COL5A2: variants seen among roughly 807,000 people sequenced by gnomAD.
COL5A2 encodes the protein collagen type V alpha 2 chain.
Under a neutral mutation model 208.2 loss-of-function variants are expected in COL5A2, and 23 were observed. That is an observed-to-expected ratio of 0.11 (90% CI 0.08 to 0.16). COL5A2 has a LOEUF of 0.16. Ranked by LOEUF, COL5A2 falls within the 10% of genes least tolerant of loss-of-function variation. COL5A2 has a pLI of 1.00. For synonymous variants in COL5A2, 625 were observed against 628.5 expected, an observed-to-expected ratio of 0.99 and a Z score of 0.08; for missense variants, 1,590 against 1,956.4, an observed-to-expected ratio of 0.81 and a Z score of 3.53.
At chr2:189,421,379 A>T in the COL5A2 span, among the ~76,000 whole-genome samples, 2 of 152,170 alleles carry the variant, frequency 1.3e-5, no homozygotes, top group African/African-American at 2.4e-5. Flanking sequence ...TCAAGTGCTA[A>T]GGAAAGGTGG....
the COL5A2 span, among the ~76,000 whole-genome samples, chr2:189,403,370 C>T: frequency 6.6e-6 from 1 of 152,208 alleles, no homozygotes; most frequent in Non-Finnish European, 1.5e-5. Context: ...GATACTTTGA[C>T]TTCCTCTCTT....
At chr2:189,231,456 T>C in the COL5A2 span, among the ~76,000 whole-genome samples, 35 of 151,852 alleles carry the variant, frequency 2.3e-4, no homozygotes, top group African/African-American at 8.2e-4. Context: ...GGGACTCTCA[T>C]TCACACCCGG....
chr2:189,046,958 T>C (rs1038097019), intron 45 of COL5A2, among the ~76,000 whole-genome samples: 2 of 151,850 alleles, frequency 1.3e-5, no homozygotes, highest in Admixed American at 1.3e-4. Flanking sequence ...CCAGTCTCTA[T>C]TAAAAATACA....
chr2:189,422,758 C>T, the COL5A2 span, among the ~76,000 whole-genome samples: 1 of 152,158 alleles, frequency 6.6e-6, no homozygotes, highest in Non-Finnish European at 1.5e-5. Flanking sequence ...GGCGTGGTGG[C>T]TCACACCTGT....
chr2:189,159,201 G>A (rs1269706091), intron 1 of COL5A2, among the ~76,000 whole-genome samples: 1 of 152,126 alleles, frequency 6.6e-6, no homozygotes, highest in Non-Finnish European at 1.5e-5. Flanking sequence ...ACCTCCTACT[G>A]AAAATATTTG....
At chr2:189,289,737 G>A in the COL5A2 span, among the ~76,000 whole-genome samples, 2 of 152,130 alleles carry the variant, frequency 1.3e-5, no homozygotes, top group African/African-American at 4.8e-5. Flanking sequence ...GAACACCTAG[G>A]TTTGTAAACC....
At chr2:189,353,053 C>T in the COL5A2 span, among the ~76,000 whole-genome samples, 1 of 152,140 alleles carries the variant, frequency 6.6e-6, no homozygotes, top group Admixed American at 6.5e-5. Flanking sequence ...GGAATCCTTT[C>T]CCCATTGCTT....
At chr2:189,187,802 T>C (rs1688871803) in intron 1 of COL5A2, among the ~76,000 whole-genome samples, 1 of 151,882 alleles carries the variant, frequency 6.6e-6, no homozygotes, top group East Asian at 1.9e-4. Context: ...ACTCCGTCTC[T>C]ACTAAAAAAA....
the COL5A2 span, among the ~76,000 whole-genome samples, chr2:189,418,434 C>A: frequency 6.6e-6 from 1 of 152,112 alleles, no homozygotes; most frequent in East Asian, 1.9e-4. Flanking sequence ...ACTCAGTGAC[C>A]ATGACCTACA....
At chr2:189,357,385 A>G in the COL5A2 span, among the ~76,000 whole-genome samples, 2 of 152,172 alleles carry the variant, frequency 1.3e-5, no homozygotes, top group Non-Finnish European at 2.9e-5. Context: ...GGTTTTATCT[A>G]TAAGTTCCTG....
At chr2:189,323,586 A>G in the COL5A2 span, among the ~76,000 whole-genome samples, 1 of 152,204 alleles carries the variant, frequency 6.6e-6, no homozygotes. Context: ...TTCAAAGAGA[A>G]TAAAATACCT....
At chr2:189,398,044 C>G in the COL5A2 span, among the ~76,000 whole-genome samples, 5 of 151,962 alleles carry the variant, frequency 3.3e-5, no homozygotes, top group African/African-American at 9.7e-5. Flanking sequence ...TTCTTTTAAC[C>G]CATGGATTAT....
chr2:189,125,419 A>G (rs1285772058), intron 1 of COL5A2, among the ~76,000 whole-genome samples: 1 of 152,284 alleles, frequency 6.6e-6, no homozygotes, highest in Non-Finnish European at 1.5e-5. Flanking sequence ...GTATTCACAT[A>G]CAGTTGAATC....
chr2:189,426,173 T>A, the COL5A2 span, among the ~76,000 whole-genome samples: 4 of 152,098 alleles, frequency 2.6e-5, no homozygotes, highest in Non-Finnish European at 5.9e-5. Flanking sequence ...AGAGACTTGA[T>A]AAGTTGTTAT....
At chr2:189,279,392 A>G in the COL5A2 span, among the ~76,000 whole-genome samples, 1 of 151,944 alleles carries the variant, frequency 6.6e-6, no homozygotes, top group African/African-American at 2.4e-5. Flanking sequence ...TAGAAAAGAA[A>G]CCTATGTCAT....
chr2:189,333,684 A>C, the COL5A2 span, among the ~76,000 whole-genome samples: 1 of 152,066 alleles, frequency 6.6e-6, no homozygotes, highest in Non-Finnish European at 1.5e-5. Flanking sequence ...TGTTCTTATA[A>C]AAAGATAAAA....
rs1685371113 is a variant in COL5A2 at position 189,033,153 on chromosome 2, A to C, written c.*917T>G. On this transcript the variant is annotated 3_prime_UTR_variant, in exon 54 of 54. Transcript: ENST00000374866. The stretch of plus-strand genomic sequence containing the variant: ...GATCTTTTTCTTCATTATAGGCTTC[A>C]GGATGATGAGATTGTACATGTGGAA... 1 of 152,622 alleles carries C rather than the reference A, an allele frequency of 6.6e-6. No individual in the cohort carries two copies. The highest frequency in any genetic ancestry group is 1.5e-5 in the Non-Finnish European group (1 of 68,030). 9.5% of individuals were successfully genotyped at this position (152,622 alleles called of 1,614,324 possible).
chr2:189,412,396 A>C, the COL5A2 span, among the ~76,000 whole-genome samples: 1 of 152,234 alleles, frequency 6.6e-6, no homozygotes, highest in Non-Finnish European at 1.5e-5. Flanking sequence ...GCATTTATTT[A>C]TATTAAGAAA....
At chr2:189,410,860 G>T in the COL5A2 span, among the ~76,000 whole-genome samples, 1 of 151,960 alleles carries the variant, frequency 6.6e-6, no homozygotes, top group African/African-American at 2.4e-5. Flanking sequence ...AGTACAAATG[G>T]TCACATATTA....
Sources: gnomAD v4.1 joint callset for allele counts (sites outside exome capture counted in the v4.1 genomes callset) on GRCh38, gnomAD v4.1.1 for gene constraint, MANE v1.5 for transcripts, NCBI Gene and HGNC (gene_info 2026-07-23, HGNC 2026-07-21) for gene names.